The following RBL1 variants were observed in gnomAD, a reference collection of about 807,000 sequenced individuals.
RBL1 encodes the protein retinoblastoma-like protein 1.
A neutral mutation model predicts 123.0 loss-of-function variants in RBL1; 82 were observed. That is an observed-to-expected ratio of 0.67 (90% CI 0.56 to 0.80). The LOEUF is 0.80. RBL1 is among the 30% of genes least tolerant of loss of function. The pLI is 0.00. For synonymous variants in RBL1, 405 were observed against 441.3 expected, an observed-to-expected ratio of 0.92 and a Z score of 1.03; for missense variants, 1,171 against 1,299.6, an observed-to-expected ratio of 0.90 and a Z score of 1.52.
At chr20:37,042,900 C>G (rs6130417) in intron 13 of RBL1, among the ~76,000 whole-genome samples, 16,377 of 118,106 alleles carry the variant, frequency 0.14, 2,181 homozygotes, top group East Asian at 0.48. Context: ...TCTTGTCCCC[C>G]CCCCTCCAAA....
At chr20:37,003,887 GA>G in intron 20 of RBL1, 21 bp from the exon 21 acceptor site, 1 of 1,554,960 alleles carries the variant, frequency 6.4e-7, no homozygotes, top group Non-Finnish European at 8.6e-7. Context: ...CCAAAAGTCA[GA>G]TTTTTTAGAT....
intron 10 of RBL1, among the ~76,000 whole-genome samples, chr20:37,055,865 A>G (rs1036420104): frequency 5.3e-5 from 8 of 152,094 alleles, no homozygotes; most frequent in Non-Finnish European, 8.8e-5. Flanking sequence ...CCTAACCAAC[A>G]TGGTGAAACT....
At chr20:37,080,786 G>A (rs1600597293) in intron 2 of RBL1, among the ~76,000 whole-genome samples, 1 of 152,076 alleles carries the variant, frequency 6.6e-6, no homozygotes, top group East Asian at 1.9e-4. Flanking sequence ...ATAAGGTTTA[G>A]TAATATATTT....
At chr20:37,032,998 T>C in intron 15 of RBL1, 122 bp from the exon 16 acceptor site, 1 of 1,372,594 alleles carries the variant, frequency 7.3e-7, no homozygotes, top group South Asian at 1.6e-5. Flanking sequence ...AAAATAGTAA[T>C]TCTAGGTTAT....
intron 11 of RBL1, among the ~76,000 whole-genome samples, chr20:37,053,539 A>G (rs1183835458): frequency 6.6e-6 from 1 of 152,162 alleles, no homozygotes; most frequent in African/African-American, 2.4e-5. Context: ...GAACAGGAAT[A>G]ACTGGATAAG....
intron 2 of RBL1, among the ~76,000 whole-genome samples, chr20:37,072,416 T>A (rs936966644): frequency 1.3e-5 from 2 of 150,654 alleles, no homozygotes; most frequent in South Asian, 4.2e-4. Context: ...TGCGGGGAGG[T>A]GGAAGTTGCG....
intron 2 of RBL1, among the ~76,000 whole-genome samples, chr20:37,075,547 C>T (rs2065350422): frequency 6.6e-6 from 1 of 152,106 alleles, no homozygotes; most frequent in Non-Finnish European, 1.5e-5. Flanking sequence ...CCTCCACCTC[C>T]TGGGTTCAAG....
intron 9 of RBL1, among the ~76,000 whole-genome samples, chr20:37,057,036 CCTACCTACCTACCTAT>C (rs1287747532): frequency 2.0e-5 from 3 of 151,458 alleles, no homozygotes; most frequent in Non-Finnish European, 2.9e-5. Context: ...TACCTACCTA[CCTACCTACCTACCTAT>C]CTACCTATCT....
intron 10 of RBL1, 56 bp from the exon 11 acceptor site, chr20:37,055,712 G>A: frequency 6.7e-7 from 1 of 1,481,720 alleles, no homozygotes; most frequent in Non-Finnish European, 9.1e-7. Context: ...GTTAAGGACT[G>A]AAAAGCAAAA....
chr20:37,030,935 G>A (rs1396370205), intron 16 of RBL1, among the ~76,000 whole-genome samples: 1 of 151,562 alleles, frequency 6.6e-6, no homozygotes, highest in East Asian at 1.9e-4. Flanking sequence ...AGTCCTAGCT[G>A]CTCAGAGGGT....
At chr20:37,092,376 G>C (rs2065662530) in intron 1 of RBL1, among the ~76,000 whole-genome samples, 1 of 151,914 alleles carries the variant, frequency 6.6e-6, no homozygotes, top group African/African-American at 2.4e-5. Context: ...TCACTCTGTT[G>C]CCCCAGGCTG....
At position 37,002,504 on chromosome 20, in the gene RBL1, C is replaced by T. The variant is rs373375692; in HGVS notation, c.3036+1198G>A. Among the ~76,000 whole-genome samples, 13 of 147,910 alleles carry T rather than the reference C, an allele frequency of 8.8e-5. No homozygotes were observed. The East Asian group carries it at 2.3e-3, about 26-fold the overall frequency. ...GATTACAGGTGCCCACCACCATGCC[C>T]GGCTAATTTTTGTATTTTTAGAGAC... On this transcript the variant is annotated intron_variant, in intron 21 of 21. Coordinates refer to ENST00000373664, the MANE Select transcript of RBL1 (RefSeq NM_002895.5).
intron 7 of RBL1, 151 bp from the exon 8 acceptor site, chr20:37,062,421 C>T: frequency 1.5e-6 from 2 of 1,348,228 alleles, no homozygotes; most frequent in Non-Finnish European, 9.7e-7. Flanking sequence ...GAGGGTCCTA[C>T]CTGATTATGG....
chr20:37,071,291 T>C lies in RBL1; in HGVS notation c.291-3105A>G, dbSNP rs548376167. On this transcript the variant is annotated intron_variant, in intron 2 of 21. Transcript: ENST00000373664. The stretch of plus-strand genomic sequence containing the variant: ...TTTCTTTTTAAGGTGACAGAAGACA[T>C]TAATAGCAAATCATCCAAAGCTATT... Among the ~76,000 whole-genome samples the C allele has an allele frequency of 2.6e-3, 391 of 152,252 alleles. 3 individuals are homozygous for C. Among genetic ancestry groups the C allele is most frequent in the Non-Finnish European group, 2.5e-3 (169 of 68,022 alleles).
intron 12 of RBL1, among the ~76,000 whole-genome samples, chr20:37,045,353 G>T (rs1464191664): frequency 6.6e-6 from 1 of 151,946 alleles, no homozygotes; most frequent in African/African-American, 2.4e-5. Context: ...TGATCCGCCC[G>T]CCTTGGCCTC....
intron 1 of RBL1, among the ~76,000 whole-genome samples, chr20:37,092,651 T>G (rs189162315): frequency 2.7e-4 from 41 of 152,228 alleles, no homozygotes; most frequent in African/African-American, 9.1e-4. Context: ...TGAGCCACCA[T>G]GCCCAGCCTA....
rs372697397 is a variant in RBL1 at position 37,044,256 on chromosome 20, G to A, written c.1606-6C>T. ...CGGATCACCACCTCAATAACCTGCA[G>A]AGGAGAAAGTGAGAAGGCAATGTGG... On this transcript the variant is annotated splice_polypyrimidine_tract_variant and splice_region_variant and intron_variant, in intron 12 of 21. Coordinates refer to ENST00000373664, the MANE Select transcript of RBL1 (RefSeq NM_002895.5). The A allele has an allele frequency of 1.2e-6, 2 of 1,613,606 alleles. No individual in the cohort carries two copies. The highest frequency in any genetic ancestry group is 2.7e-5 in the African/African-American group (2 of 74,992).
intron 16 of RBL1, among the ~76,000 whole-genome samples, chr20:37,030,716 G>A (rs1284274397): frequency 1.3e-5 from 2 of 152,082 alleles, no homozygotes; most frequent in Non-Finnish European, 2.9e-5. Context: ...TTAGCCAGGC[G>A]TGGTGGCATA....
chr20:37,081,070 C>T (rs1158501048), intron 2 of RBL1, among the ~76,000 whole-genome samples: 1 of 152,144 alleles, frequency 6.6e-6, no homozygotes, highest in East Asian at 1.9e-4. Context: ...GGTCAGGGAC[C>T]TTGTTAGGGA....
Sources: gnomAD v4.1 joint callset for allele counts (sites outside exome capture counted in the v4.1 genomes callset) on GRCh38, gnomAD v4.1.1 for gene constraint, MANE v1.5 for transcripts, NCBI Gene and HGNC (gene_info 2026-07-23, HGNC 2026-07-21) for gene names.